Variants in SORCS2 observed in about 807,000 individuals in gnomAD.
SORCS2 encodes the protein sortilin related VPS10 domain containing receptor 2, also known as VPS10 domain-containing receptor SorCS2.
In SORCS2, 100 loss-of-function variants were observed where a neutral mutation model predicts 141.6. The ratio of observed to expected loss-of-function variants is 0.71; its 90% CI spans 0.60 to 0.83. The LOEUF (loss-of-function observed/expected upper bound fraction) is 0.83. SORCS2 is among the 40% of genes least tolerant of loss of function. The pLI is 0.00. For synonymous variants in SORCS2, 789 were observed against 676.9 expected, an observed-to-expected ratio of 1.17 and a Z score of -2.57; for missense variants, 1,646 against 1,560.2, an observed-to-expected ratio of 1.05 and a Z score of -0.93.
chr4:7,589,491 C>T (rs1023098895), intron 3 of SORCS2, among the ~76,000 whole-genome samples: 9 of 152,270 alleles, frequency 5.9e-5, no homozygotes, highest in Admixed American at 4.6e-4. Flanking sequence ...CAACCTCTAC[C>T]TCCCGGGTTC....
chr4:7,261,684 C>G (rs1714332121), intron 1 of SORCS2, among the ~76,000 whole-genome samples: 1 of 152,238 alleles, frequency 6.6e-6, no homozygotes, highest in Admixed American at 6.5e-5. Flanking sequence ...GGGAATCAGG[C>G]TGCTCGGCAA....
At position 7,592,825 on chromosome 4, in the gene SORCS2, TTGAATGAA is replaced by T. The variant is rs757004065; in HGVS notation, c.649-45487_649-45480del. Among the ~76,000 whole-genome samples the T allele has an allele frequency of 5.3e-5, 8 of 152,136 alleles. 1 individual carries two copies. The highest frequency in any genetic ancestry group is 1.9e-4 in the East Asian group (1 of 5,186). ...CACAACATTGAGATTTGTTGAATGA[TTGAATGAA>T]TGAATGAATGAATGACATAAACCAC... is the stretch of plus-strand genomic sequence containing the variant. On this transcript the variant is annotated intron_variant, in intron 3 of 26. Coordinates refer to ENST00000507866, the MANE Select transcript of SORCS2 (RefSeq NM_020777.3).
At chr4:7,727,312 G>A (rs781050087) in intron 21 of SORCS2, among the ~76,000 whole-genome samples, 3 of 152,180 alleles carry the variant, frequency 2.0e-5, no homozygotes, top group Non-Finnish European at 4.4e-5. Flanking sequence ...CCTGTCTAGA[G>A]AAACGCTGAG....
intron 1 of SORCS2, among the ~76,000 whole-genome samples, chr4:7,359,568 C>T (rs551595568): frequency 5.1e-4 from 77 of 152,312 alleles, no homozygotes; most frequent in African/African-American, 1.7e-3. Flanking sequence ...GTCTGCACCC[C>T]GCATCCAGAG....
At chr4:7,216,254 A>C (rs1255372873) in intron 1 of SORCS2, among the ~76,000 whole-genome samples, 2 of 152,180 alleles carry the variant, frequency 1.3e-5, no homozygotes, top group Non-Finnish European at 2.9e-5. Context: ...CAAAAGCAGC[A>C]GTGAGGGGAG....
chr4:7,651,870 G>A (rs532555304), intron 4 of SORCS2, among the ~76,000 whole-genome samples: 2 of 152,290 alleles, frequency 1.3e-5, no homozygotes, highest in African/African-American at 4.8e-5. Context: ...CCGGGGACTC[G>A]GAAGGCACAT....
intron 2 of SORCS2, among the ~76,000 whole-genome samples, chr4:7,467,152 A>G (rs906795997): frequency 2.0e-5 from 3 of 152,118 alleles, no homozygotes; most frequent in Admixed American, 1.3e-4. Flanking sequence ...TCCTGGCCAG[A>G]GCATGCCACA....
chr4:7,566,943 T>G (rs530340347), intron 3 of SORCS2, among the ~76,000 whole-genome samples: 2 of 152,172 alleles, frequency 1.3e-5, no homozygotes, highest in South Asian at 4.1e-4. Flanking sequence ...CTTACCTTAG[T>G]GGATGCTGGG....
At chr4:7,318,114 A>C (rs753911693) in intron 1 of SORCS2, among the ~76,000 whole-genome samples, 2 of 152,208 alleles carry the variant, frequency 1.3e-5, no homozygotes, top group Non-Finnish European at 2.9e-5. Flanking sequence ...TTGAGTACCT[A>C]CTATGTGCCA....
chr4:7,547,263 C>A (rs192374685), intron 3 of SORCS2, among the ~76,000 whole-genome samples: 1 of 152,232 alleles, frequency 6.6e-6, no homozygotes, highest in Non-Finnish European at 1.5e-5. Context: ...ACACTACCTT[C>A]GCTACTGTCT....
chr4:7,435,836 C>G (rs1047606507), intron 2 of SORCS2, among the ~76,000 whole-genome samples: 3 of 152,264 alleles, frequency 2.0e-5, no homozygotes, highest in East Asian at 1.9e-4. Context: ...AGCCTCACCT[C>G]TGGCCTAATT....
Position 7,580,106 on chromosome 4 carries a change from C to T in SORCS2, c.648+48477C>T, listed in dbSNP as rs778996847. Among the ~76,000 whole-genome samples the T allele has an allele frequency of 1.1e-3, 165 of 152,214 alleles. 3 individuals are homozygous for T. The highest frequency in any genetic ancestry group is 3.8e-4 in the Non-Finnish European group (26 of 68,042). ...GCTATGTAGGCAAAACCCAGGCTTA[C>T]TGCAAAACCTTTCCAATTCATATAG... On this transcript the variant is annotated intron_variant, in intron 3 of 26. Coordinates refer to ENST00000507866, the MANE Select transcript of SORCS2 (RefSeq NM_020777.3).
chr4:7,281,405 G>A (rs1002692624), intron 1 of SORCS2, among the ~76,000 whole-genome samples: 1 of 152,148 alleles, frequency 6.6e-6, no homozygotes, highest in Non-Finnish European at 1.5e-5. Context: ...CTCACAAGGG[G>A]CTGTGTCCTG....
chr4:7,519,553 C>T lies in SORCS2; in HGVS notation c.549-11977C>T, dbSNP rs557965057. On this transcript the variant is annotated intron_variant, in intron 2 of 26. Transcript: ENST00000507866. ...TGTCTGGAAGAGACCCAGCACGTGG[C>T]GGCCACGGTGAAGCTGTGTCTGCCA... 1.2e-4 allele frequency among the ~76,000 whole-genome samples: 19 copies of T among 152,324 alleles called. No individual in the cohort carries two copies. The South Asian group carries it at 1.9e-3, about 15-fold the overall frequency.
intron 5 of SORCS2, among the ~76,000 whole-genome samples, chr4:7,659,188 G>C (rs1404153423): frequency 6.6e-6 from 1 of 151,916 alleles, no homozygotes; most frequent in Non-Finnish European, 1.5e-5. Context: ...AGTTCAGTGG[G>C]CACATGGAGA....
At chr4:7,556,304 T>C (rs894080530) in intron 3 of SORCS2, among the ~76,000 whole-genome samples, 9 of 152,076 alleles carry the variant, frequency 5.9e-5, no homozygotes, top group Admixed American at 1.3e-4. Context: ...TCTGAGGATG[T>C]TGATTTTAAA....
chr4:7,572,477 T>C (rs1333138815), intron 3 of SORCS2, among the ~76,000 whole-genome samples: 3 of 152,080 alleles, frequency 2.0e-5, no homozygotes, highest in African/African-American at 7.2e-5. Flanking sequence ...GGCATATTAG[T>C]GAGAGCAATA....
intron 23 of SORCS2, among the ~76,000 whole-genome samples, chr4:7,732,457 A>G (rs755340510): frequency 2.6e-5 from 4 of 152,120 alleles, no homozygotes; most frequent in Non-Finnish European, 2.9e-5. Context: ...CGTCACGCAG[A>G]CCCTGGAGGA....
chr4:7,519,778 C>T lies in SORCS2; in HGVS notation c.549-11752C>T, dbSNP rs568020427. On this transcript the variant is annotated intron_variant, in intron 2 of 26. Transcript: ENST00000507866. ...CATTCTGCCCCTCCTTCCCCCTCAG[C>T]TCCTGCAGCTCCTTGGCCCGGCCTC... Among the ~76,000 whole-genome samples the T allele has an allele frequency of 6.6e-5, 10 of 152,362 alleles. No homozygotes were observed. In the South Asian group the frequency reaches 1.5e-3, roughly 22 times the overall value.
Sources: allele counts gnomAD v4.1 joint callset (sites outside exome capture counted in the v4.1 genomes callset), GRCh38; gene constraint gnomAD v4.1.1; transcripts MANE v1.5; gene names NCBI Gene and HGNC (gene_info 2026-07-23, HGNC 2026-07-21).